ALPK2: variants seen among roughly 807,000 people sequenced by gnomAD.
The protein encoded by ALPK2 is alpha-protein kinase 2.
Under a neutral mutation model 163.1 loss-of-function variants are expected in ALPK2, and 127 were observed. The ratio of observed to expected loss-of-function variants is 0.78; its 90% confidence interval spans 0.67 to 0.90. ALPK2 has a LOEUF of 0.90. Among genes scored for constraint, ALPK2 ranks in the 40% least tolerant of loss-of-function variants. ALPK2 has a pLI of 0.00. For missense variants in ALPK2, 2,360 were observed against 2,589.6 expected (o/e 0.91, Z 1.92); for synonymous variants, 953 against 959.1 (o/e 0.99, Z 0.12).
At chr18:58,603,289 C>T (rs182204766) in intron 3 of ALPK2, among the ~76,000 whole-genome samples, 4 of 152,188 alleles carry the variant, frequency 2.6e-5, no homozygotes, top group Non-Finnish European at 1.5e-5. Context: ...TAAATAAGGT[C>T]GCATTCTGAG....
chr18:58,522,396 G>T (rs148167414), intron 8 of ALPK2, among the ~76,000 whole-genome samples: 2 of 152,334 alleles, frequency 1.3e-5, no homozygotes, highest in African/African-American at 4.8e-5. Flanking sequence ...GGGTGGGCAT[G>T]GGTGGGCGTA....
chr18:58,538,095 G>A lies in ALPK2; in HGVS notation c.2092C>T (p.His698Tyr), dbSNP rs2051665807. 6.2e-7 allele frequency: 1 copy of A among 1,614,130 alleles called. No individual in the cohort carries two copies. Among genetic ancestry groups the A allele is most frequent in the Non-Finnish European group, 8.5e-7 (1 of 1,180,018 alleles). The change falls in exon 5 of 13, where the codon CAC (histidine) becomes TAC (tyrosine). Residue 698 changes from histidine (H) to tyrosine (Y), a missense_variant. Coordinates refer to ENST00000361673, the MANE Select transcript of ALPK2 (RefSeq NM_052947.4). ...TGAGCTAATGATGCATTTTCCTTGTGGACCCCTCCTAAGTTTGAGAAGGAA... is the reference window on the plus strand; with the variant it reads ...TGAGCTAATGATGCATTTTCCTTGTAGACCCCTCCTAAGTTTGAGAAGGAA... Reference protein sequence around the residue: ...TISFSNLGGVHKENASLAQHS... With the variant: ...TISFSNLGGVYKENASLAQHS...
At position 58,481,499 on chromosome 18, in the gene ALPK2, G is replaced by A. The variant is rs772834570; in HGVS notation, c.*324C>T. Reference sequence around the variant, plus strand: ...AGACTCTTCTCAGCACCAGGTCCTCGACAGCACAACCATGTGCAAATACAC... The same window carrying A: ...AGACTCTTCTCAGCACCAGGTCCTCAACAGCACAACCATGTGCAAATACAC... On this transcript the variant is annotated 3_prime_UTR_variant, in exon 13 of 13. Transcript: ENST00000361673. 4 of 300,078 alleles carry A rather than the reference G, an allele frequency of 1.3e-5. No individual in the cohort carries two copies. The highest frequency in any genetic ancestry group is 4.3e-5 in the African/African-American group (2 of 46,196). The allele number at this position is 300,078 out of a possible 1,614,324, so 18.6% of individuals were successfully genotyped here.
intron 12 of ALPK2, among the ~76,000 whole-genome samples, chr18:58,484,216 C>T (rs987705870): frequency 1.3e-5 from 2 of 152,130 alleles, no homozygotes; most frequent in Admixed American, 1.3e-4. Context: ...TGTATCAGTG[C>T]TGTGTTCTTT....
chr18:58,617,087 A>T (rs1302914888), intron 1 of ALPK2, among the ~76,000 whole-genome samples: 2 of 152,152 alleles, frequency 1.3e-5, no homozygotes, highest in Admixed American at 6.5e-5. Flanking sequence ...TTCCGTGTTG[A>T]TGATTGTTGT....
chr18:58,505,471 C>G (rs1266286441), intron 10 of ALPK2, among the ~76,000 whole-genome samples: 1 of 152,130 alleles, frequency 6.6e-6, no homozygotes, highest in East Asian at 1.9e-4. Context: ...TGAGCCATCC[C>G]TGCTCCATCC....
Position 58,612,025 on chromosome 18 carries a change from A to G in ALPK2, c.-20-208T>C, listed in dbSNP as rs553174721. On this transcript the variant is annotated intron_variant, in intron 1 of 12. Coordinates refer to ENST00000361673, the MANE Select transcript of ALPK2 (RefSeq NM_052947.4). The stretch of plus-strand genomic sequence containing the variant: ...TCTGTATTTCGGGGATGTCCTGTGC[A>G]TTGCAGGATATTTAGCCGCATGCCT... Among the ~76,000 whole-genome samples, 15 of 152,202 alleles carry G rather than the reference A, an allele frequency of 9.9e-5. No individual in the cohort carries two copies. The East Asian group carries it at 2.7e-3, about 27-fold the overall frequency.
chr18:58,576,969 G>A (rs2051925101), intron 4 of ALPK2, among the ~76,000 whole-genome samples: 1 of 152,218 alleles, frequency 6.6e-6, no homozygotes, highest in Admixed American at 6.5e-5. Flanking sequence ...AGTGTTCACG[G>A]TTCTGAGGTA....
intron 8 of ALPK2, among the ~76,000 whole-genome samples, chr18:58,521,879 G>T (rs762453647): frequency 6.6e-6 from 1 of 151,726 alleles, no homozygotes; most frequent in African/African-American, 2.4e-5. Flanking sequence ...CACTCGCCTC[G>T]GCCTTCCAAA....
intron 12 of ALPK2, among the ~76,000 whole-genome samples, chr18:58,487,588 C>A (rs74975007): frequency 0.022 from 3,332 of 152,270 alleles, 101 homozygotes; most frequent in African/African-American, 0.075. Flanking sequence ...TTTTAAAAAT[C>A]TTAACTCTAT....
chr18:58,622,018 G>A lies in ALPK2; in HGVS notation c.-21+6746C>T, dbSNP rs117460357. 7.9e-3 allele frequency among the ~76,000 whole-genome samples: 1,159 copies of A among 145,870 alleles called. 9 individuals are homozygous for A. Among genetic ancestry groups the A allele is most frequent in the Non-Finnish European group, 0.013 (869 of 66,808 alleles). ...TGGCAGTTTCCAATCTTTATGAGAG[G>A]GCTTAAAAAAAAAAAAAAAGCTCAA... On this transcript the variant is annotated intron_variant, in intron 1 of 12. Coordinates refer to ENST00000361673, the MANE Select transcript of ALPK2 (RefSeq NM_052947.4).
Position 58,535,654 on chromosome 18 carries a change from G to A in ALPK2, c.4533C>T (p.Gly1511=), listed in dbSNP as rs754368330. 2 of 1,614,080 alleles carry A rather than the reference G, an allele frequency of 1.2e-6. No individual in the cohort carries two copies. The highest frequency in any genetic ancestry group is 1.7e-5 in the Admixed American group (1 of 60,008). ...GERIPSGCSI[G]QIQESSDGSL... is the part of the protein sequence containing the mutation. The stretch of plus-strand genomic sequence containing the variant: ...TCCCATCACTGCTTTCTTGTATTTG[G>A]CCTATGCTACATCCACTTGGAATTC... Residue 1511 remains glycine (G), a synonymous_variant, in exon 5 of 13, where the codon GGC becomes GGT. Coordinates refer to ENST00000361673, the MANE Select transcript of ALPK2 (RefSeq NM_052947.4).
chr18:58,514,911 C>G, intron 10 of ALPK2, 82 bp downstream of exon 10: 1 of 1,053,632 alleles, frequency 9.5e-7, no homozygotes, highest in Non-Finnish European at 1.4e-6. Context: ...AACACTTGCC[C>G]TACTGTTCCT....
At chr18:58,491,559 A>G (rs2144100526) in intron 12 of ALPK2, among the ~76,000 whole-genome samples, 1 of 152,146 alleles carries the variant, frequency 6.6e-6, no homozygotes, top group Non-Finnish European at 1.5e-5. Flanking sequence ...GCCCCCACCC[A>G]GGAACTGACT....
At chr18:58,567,453 A>G (rs2051861799) in intron 4 of ALPK2, among the ~76,000 whole-genome samples, 1 of 152,152 alleles carries the variant, frequency 6.6e-6, no homozygotes, top group Admixed American at 6.5e-5. Context: ...TTTTTTAAAC[A>G]CGCACCTCAT....
At chr18:58,508,636 G>T (rs1265390268) in intron 10 of ALPK2, among the ~76,000 whole-genome samples, 8 of 152,204 alleles carry the variant, frequency 5.3e-5, no homozygotes, top group Non-Finnish European at 8.8e-5. Context: ...TCAGGAAGTT[G>T]CCTATTTATA....
intron 4 of ALPK2, chr18:58,543,238 TG>T: frequency 1.8e-6 from 1 of 553,710 alleles, no homozygotes; most frequent in Non-Finnish European, 2.3e-6. Flanking sequence ...GCCCTCTGCC[TG>T]GGACTTCTCA....
chr18:58,566,228 T>C (rs944343949), intron 4 of ALPK2, among the ~76,000 whole-genome samples: 2 of 152,228 alleles, frequency 1.3e-5, no homozygotes, highest in Admixed American at 6.5e-5. Flanking sequence ...GGTACTGATA[T>C]CTTTTCCATA....
chr18:58,572,482 A>G (rs527618922), intron 4 of ALPK2, among the ~76,000 whole-genome samples: 18 of 152,374 alleles, frequency 1.2e-4, no homozygotes, highest in African/African-American at 4.1e-4. Flanking sequence ...AACTGGAATC[A>G]GCCCAAATGT....
Sources: allele counts gnomAD v4.1 joint callset (sites outside exome capture counted in the v4.1 genomes callset), GRCh38; gene constraint gnomAD v4.1.1; transcripts MANE v1.5; gene names NCBI Gene and HGNC (gene_info 2026-07-23, HGNC 2026-07-21).